Variants in MLLT10 observed in about 807,000 individuals in gnomAD.
MLLT10 encodes the protein protein AF-10.
A neutral mutation model predicts 129.1 loss-of-function variants in MLLT10; 30 were observed. That is an observed-to-expected ratio of 0.23 (90% CI 0.17 to 0.32). The LOEUF (loss-of-function observed/expected upper bound fraction) is 0.32. Among genes scored for constraint, MLLT10 ranks in the 10% least tolerant of loss-of-function variants. The pLI, the probability that MLLT10 is intolerant of heterozygous loss-of-function variation, is 1.00. For missense variants in MLLT10, 1,119 were observed against 1,268.3 expected (o/e 0.88, Z 1.79); for synonymous variants, 490 against 446.4 (o/e 1.10, Z -1.23).
At chr10:21,622,046 C>T (rs1215326604) in intron 8 of MLLT10, among the ~76,000 whole-genome samples, 1 of 151,766 alleles carries the variant, frequency 6.6e-6, no homozygotes, top group East Asian at 1.9e-4. Flanking sequence ...TGTATTAGCA[C>T]TGGTTAGGTA....
At chr10:21,535,187 G>C (rs1199180807) in intron 2 of MLLT10, among the ~76,000 whole-genome samples, 1 of 151,918 alleles carries the variant, frequency 6.6e-6, no homozygotes, top group Non-Finnish European at 1.5e-5. Context: ...ACGGGGGTGG[G>C]TTTGGGAGAG....
chr10:21,607,782 C>G (rs2044208428), intron 5 of MLLT10, among the ~76,000 whole-genome samples: 1 of 152,214 alleles, frequency 6.6e-6, no homozygotes, highest in South Asian at 2.1e-4. Flanking sequence ...CCTAATCACA[C>G]TGTCTTACTT....
intron 13 of MLLT10, among the ~76,000 whole-genome samples, chr10:21,713,225 A>G (rs1335629727): frequency 1.3e-5 from 2 of 152,136 alleles, no homozygotes; most frequent in South Asian, 2.1e-4. Context: ...TCTAGAATCT[A>G]CCAACATTCT....
rs573520551 is a variant in MLLT10, at chr10:21,680,483, G to C, written c.1622-849G>C. On this transcript the variant is annotated intron_variant, in intron 11 of 22. Transcript: ENST00000307729. ...CTCAAAGTGCTGGGATTACAGGCAT[G>C]AGCCACCACACCCAGCCATCTTTCT... Among the ~76,000 whole-genome samples the C allele has an allele frequency of 3.3e-5, 5 of 152,188 alleles. No individual in the cohort carries two copies. In the East Asian group the frequency reaches 9.7e-4, roughly 29 times the overall value.
chr10:21,661,291 T>C (rs574277555), intron 9 of MLLT10, among the ~76,000 whole-genome samples: 2 of 152,340 alleles, frequency 1.3e-5, no homozygotes, highest in East Asian at 3.9e-4. Flanking sequence ...TTGGACGAAG[T>C]AGTCTACAGA....
intron 4 of MLLT10, among the ~76,000 whole-genome samples, chr10:21,592,510 T>C (rs2042605092): frequency 6.6e-6 from 1 of 151,748 alleles, no homozygotes; most frequent in African/African-American, 2.4e-5. Context: ...GGCTGGAGCG[T>C]AGTGGCGCGA....
intron 21 of MLLT10, chr10:21,738,551 C>G: frequency 2.3e-6 from 3 of 1,276,654 alleles, no homozygotes; most frequent in Non-Finnish European, 3.1e-6. Flanking sequence ...AGGGATCAAA[C>G]TTAACGTAGG....
intron 3 of MLLT10, chr10:21,557,002 T>C (rs2038111716): frequency 6.8e-7 from 1 of 1,479,890 alleles, no homozygotes. Context: ...TCTTACAGGG[T>C]TTTGTTTTAC....
chr10:21,664,421 C>T (rs563582871), intron 9 of MLLT10, among the ~76,000 whole-genome samples: 1 of 151,102 alleles, frequency 6.6e-6, no homozygotes, highest in Non-Finnish European at 1.5e-5. Context: ...TCAAGCGATT[C>T]TCCTGTCTCA....
chr10:21,726,312 A>G lies in MLLT10; in HGVS notation c.1947A>G (p.Ser649=). The change falls in exon 15 of 23, where the codon TCA becomes TCG. Residue 649 remains serine, a synonymous_variant. Coordinates refer to ENST00000307729, the MANE Select transcript of MLLT10 (RefSeq NM_001195626.3). ...ATATGTATGGCAATAGATCAAATTCATCAATGGCAGCTCTTATAGCTCAGT... is the reference window on the plus strand; with the variant it reads ...ATATGTATGGCAATAGATCAAATTCGTCAATGGCAGCTCTTATAGCTCAGT... ...PSHMYGNRSN[S]SMAALIAQSE... The G allele has an allele frequency of 1.2e-6, 2 of 1,613,376 alleles. No homozygotes were observed. The highest frequency in any genetic ancestry group is 8.5e-7 in the Non-Finnish European group (1 of 1,179,498).
chr10:21,739,062 G>A (rs1198818968), intron 21 of MLLT10, among the ~76,000 whole-genome samples: 2 of 152,076 alleles, frequency 1.3e-5, no homozygotes, highest in Non-Finnish European at 2.9e-5. Context: ...CCCACCCATC[G>A]TTTTCCTCAC....
chr10:21,629,921 C>G (rs1188111676), intron 8 of MLLT10, among the ~76,000 whole-genome samples: 1 of 152,118 alleles, frequency 6.6e-6, no homozygotes, highest in Non-Finnish European at 1.5e-5. Context: ...ATGATCATGC[C>G]ATTGCATTCT....
intron 14 of MLLT10, among the ~76,000 whole-genome samples, chr10:21,715,486 A>G (rs1937724292): frequency 6.6e-6 from 1 of 152,234 alleles, no homozygotes; most frequent in Non-Finnish European, 1.5e-5. Context: ...AATAGCTCCT[A>G]TAAATGGTTT....
intron 16 of MLLT10, 76 bp downstream of exon 16, chr10:21,728,004 T>TAG: frequency 1.7e-6 from 2 of 1,198,810 alleles, no homozygotes; most frequent in Non-Finnish European, 2.4e-6. Flanking sequence ...CTCATATCAG[T>TAG]AGAGTGTACA....
rs1284075383 is a variant in MLLT10 at position 21,673,340 on chromosome 10, T to A, written c.1052-10T>A. ...CAACTTTTTTTTTTTTTTTTTTTTTTAAACTACAGGCAGTTTTTCAGGAAC... is the reference window on the plus strand; with the variant it reads ...CAACTTTTTTTTTTTTTTTTTTTTTAAAACTACAGGCAGTTTTTCAGGAAC... On this transcript the variant is annotated splice_polypyrimidine_tract_variant and intron_variant, in intron 10 of 22. Coordinates refer to ENST00000307729, the MANE Select transcript of MLLT10 (RefSeq NM_001195626.3). 81 of 617,128 alleles carry A rather than the reference T, an allele frequency of 1.3e-4. No individual in the cohort carries two copies. The highest frequency in any genetic ancestry group is 1.6e-4 in the Non-Finnish European group (72 of 445,462). 38.2% of individuals were successfully genotyped at this position (617,128 alleles called of 1,614,324 possible).
At chr10:21,652,309 G>A (rs2049125909) in intron 9 of MLLT10, among the ~76,000 whole-genome samples, 1 of 152,158 alleles carries the variant, frequency 6.6e-6, no homozygotes. Context: ...AACCATCATT[G>A]AGACAGAGAA....
chr10:21,707,215 C>T (rs1241650904), intron 13 of MLLT10, among the ~76,000 whole-genome samples: 2 of 128,092 alleles, frequency 1.6e-5, no homozygotes, highest in Non-Finnish European at 3.2e-5. Flanking sequence ...TTTTTTGAGA[C>T]GGAGTTTCGC....
intron 14 of MLLT10, among the ~76,000 whole-genome samples, chr10:21,718,305 C>T (rs933842940): frequency 2.6e-5 from 4 of 152,054 alleles, no homozygotes; most frequent in Admixed American, 1.3e-4. Flanking sequence ...GCGGGAAGAG[C>T]GGACTCCTGT....
chr10:21,706,787 A>G (rs1564687383), intron 13 of MLLT10, among the ~76,000 whole-genome samples: 1 of 152,196 alleles, frequency 6.6e-6, no homozygotes, highest in African/African-American at 2.4e-5. Flanking sequence ...ACTTAAGTCT[A>G]AACAATGTTC....
Sources: gnomAD v4.1 joint callset for allele counts (sites outside exome capture counted in the v4.1 genomes callset) on GRCh38, gnomAD v4.1.1 for gene constraint, MANE v1.5 for transcripts, NCBI Gene and HGNC (gene_info 2026-07-23, HGNC 2026-07-21) for gene names.